Variants in CCDC175 observed in about 807,000 individuals in gnomAD.
CCDC175 encodes coiled-coil domain containing 175, also known as coiled-coil domain-containing protein 175.
Under a neutral mutation model 114.6 loss-of-function variants are expected in CCDC175, and 100 were observed. The ratio of observed to expected loss-of-function variants is 0.87; its 90% confidence interval spans 0.74 to 1.03. The LOEUF is 1.03. Ranked by LOEUF, CCDC175 falls within the 50% of genes least tolerant of loss-of-function variation. CCDC175 has a pLI of 0.00. For missense variants in CCDC175, 880 were observed against 917.8 expected (o/e 0.96, Z 0.53); for synonymous variants, 306 against 308.7 (o/e 0.99, Z 0.09).
rs1980579 is a variant in CCDC175, at chr14:59,565,328, A to C, written c.492-53T>G. ...GAGAAGCACAGCTCCTAAGAAAGGAATAGTCTGTGTGGTGAGAAGAGCCCT... is the reference window on the plus strand; with the variant it reads ...GAGAAGCACAGCTCCTAAGAAAGGACTAGTCTGTGTGGTGAGAAGAGCCCT... On this transcript the variant is annotated intron_variant, in intron 4 of 19. Transcript: ENST00000537690. 5.7e-6 allele frequency: 8 copies of C among 1,400,086 alleles called. No individual in the cohort carries two copies. The South Asian group carries it at 9.1e-5, about 16-fold the overall frequency. 86.7% of individuals were successfully genotyped at this position (1,400,086 alleles called of 1,614,324 possible).
intron 17 of CCDC175, among the ~76,000 whole-genome samples, chr14:59,514,456 C>A (rs7150175): frequency 1.3e-5 from 2 of 151,954 alleles, no homozygotes; most frequent in African/African-American, 2.4e-5. Flanking sequence ...ATAACCAATG[C>A]GGAGAAGTCC....
chr14:59,523,500 A>G (rs1012270338), intron 16 of CCDC175, among the ~76,000 whole-genome samples: 5 of 152,352 alleles, frequency 3.3e-5, no homozygotes, highest in African/African-American at 1.2e-4. Context: ...CATCTATAAA[A>G]GGGACACAAT....
intron 13 of CCDC175, among the ~76,000 whole-genome samples, chr14:59,533,261 T>G (rs1894175083): frequency 6.6e-6 from 1 of 152,196 alleles, no homozygotes; most frequent in Non-Finnish European, 1.5e-5. Flanking sequence ...GGAAGCCCAA[T>G]GCCACAGTTT....
chr14:59,543,439 C>T lies in CCDC175; in HGVS notation c.1188G>A (p.Leu396=). ...AGTATTCTTTCTGAGAAATAAATGT[C>T]AGCTGTTTCTGATTTCTATCATGAA... The part of the protein sequence containing the change: ...QKIHDENQKQ[L]TFISQKEYFL... The change falls in exon 10 of 20, where the codon CTG becomes CTA. Residue 396 remains leucine, a synonymous_variant. Coordinates refer to ENST00000537690, the MANE Select transcript of CCDC175 (RefSeq NM_001164399.2). 7.1e-7 allele frequency: 1 copy of T among 1,400,824 alleles called. No homozygotes were observed. Among genetic ancestry groups the T allele is most frequent in the East Asian group, 2.6e-5 (1 of 38,558 alleles). 86.8% of individuals were successfully genotyped at this position (1,400,824 alleles called of 1,614,324 possible). A position where few individuals can be genotyped will look rare whatever the true frequency, so the allele number is the denominator to read the frequency against.
chr14:59,572,968 G>C (rs576275249), intron 2 of CCDC175, among the ~76,000 whole-genome samples, 155 bp from the exon 3 acceptor site: 1 of 152,250 alleles, frequency 6.6e-6, no homozygotes, highest in South Asian at 2.1e-4. Flanking sequence ...ACTGGGAAAA[G>C]TATCTACAAT....
chr14:59,509,185 T>C (rs967538755), intron 19 of CCDC175, among the ~76,000 whole-genome samples: 1 of 152,188 alleles, frequency 6.6e-6, no homozygotes, highest in Non-Finnish European at 1.5e-5. Flanking sequence ...GAAGATTAAT[T>C]CATGTGAAGA....
intron 14 of CCDC175, among the ~76,000 whole-genome samples, chr14:59,531,190 C>A (rs1274516871): frequency 6.6e-6 from 1 of 151,694 alleles, no homozygotes; most frequent in African/African-American, 2.4e-5. Context: ...TGATTACATC[C>A]AATTTTTTGT....
Position 59,563,934 on chromosome 14 carries a change from A to T in CCDC175, c.721-75T>A, listed in dbSNP as rs943886033. ...AAAGTTTAAAAAATCTTTTAAAAAC[A>T]GTGTCAACCTAATTCATATTTAATC... On this transcript the variant is annotated intron_variant, in intron 5 of 19. Coordinates refer to ENST00000537690, the MANE Select transcript of CCDC175 (RefSeq NM_001164399.2). 16 of 939,984 alleles carry T rather than the reference A, an allele frequency of 1.7e-5. No homozygotes were observed. In the African/African-American group the frequency reaches 2.1e-4, roughly 12 times the overall value. The allele number at this position is 939,984 out of a possible 1,614,324, so 58.2% of individuals were successfully genotyped here.
chr14:59,562,130 G>T (rs539947624), intron 6 of CCDC175, among the ~76,000 whole-genome samples: 13 of 152,320 alleles, frequency 8.5e-5, no homozygotes, highest in African/African-American at 3.1e-4. Context: ...GCTAAATGTT[G>T]AGAGGCCTCT....
intron 3 of CCDC175, among the ~76,000 whole-genome samples, chr14:59,571,957 G>A (rs781674128): frequency 6.6e-6 from 1 of 151,868 alleles, no homozygotes; most frequent in Non-Finnish European, 1.5e-5. Context: ...AACCTTTTGA[G>A]CACCTACATT....
chr14:59,548,118 T>TA (rs1785533895), intron 8 of CCDC175, among the ~76,000 whole-genome samples: 1 of 152,084 alleles, frequency 6.6e-6, no homozygotes. Flanking sequence ...TATTCAGCCT[T>TA]AAAAAAGAAG....
In CCDC175 at chr14:59,510,685, G is replaced by T; in HGVS notation, c.2266C>A (p.Arg756Ser). The change falls in exon 19 of 20, where the codon CGT (arginine) becomes AGT (serine). Residue 756 changes from arginine to serine, a missense_variant. Transcript: ENST00000537690. ...GGTGATTCCTGTTCCACAAGCAAAC[G>T]CAGCCCTTCAAGACTCCCTCGTAGC... The part of the protein sequence containing the change: ...TWLRGSLEGL[R>S]LLVEQESPMD... 2.6e-6 allele frequency: 4 copies of T among 1,537,086 alleles called. No individual in the cohort carries two copies. The highest frequency in any genetic ancestry group is 1.7e-4 in the Middle Eastern group (1 of 5,990).
At chr14:59,553,252 T>G (rs1047172998) in intron 7 of CCDC175, among the ~76,000 whole-genome samples, 2 of 152,188 alleles carry the variant, frequency 1.3e-5, no homozygotes, top group East Asian at 3.8e-4. Context: ...CCCAGCAGAT[T>G]AACAGCTGAT....
At chr14:59,537,392 T>A (rs1041873160) in intron 13 of CCDC175, among the ~76,000 whole-genome samples, 1 of 152,128 alleles carries the variant, frequency 6.6e-6, no homozygotes, top group Non-Finnish European at 1.5e-5. Context: ...GTTATTTCCT[T>A]CAAATAAAGC....
rs1363531224 is a variant in CCDC175 at position 59,505,294 on chromosome 14, G to C, written c.2327C>G (p.Thr776Arg). The C allele has an allele frequency of 3.3e-6, 5 of 1,499,726 alleles. No homozygotes were observed. The highest frequency in any genetic ancestry group is 4.5e-6 in the Non-Finnish European group (5 of 1,121,652). 92.9% of individuals were successfully genotyped at this position (1,499,726 alleles called of 1,614,324 possible). A position where few individuals can be genotyped will look rare whatever the true frequency, so the allele number is the denominator to read the frequency against. ...DLLKKKKHIR[T>R]RVHFPVVKCT... ...TTTAACCACTGGGAAATGAACCCTT[G>C]TACGAATGTGTTTCTTCTTCTCTGT... Residue 776 changes from threonine to arginine, a missense_variant, in exon 20 of 20, where the codon ACA becomes AGA. Transcript: ENST00000537690.
At chr14:59,549,565 C>G (rs1448118524) in intron 8 of CCDC175, among the ~76,000 whole-genome samples, 1 of 151,110 alleles carries the variant, frequency 6.6e-6, no homozygotes, top group Non-Finnish European at 1.5e-5. Flanking sequence ...ATTAAAAGTA[C>G]AAAAATTAGC....
At chr14:59,547,904 G>A (rs780211445) in intron 8 of CCDC175, among the ~76,000 whole-genome samples, 9 of 152,122 alleles carry the variant, frequency 5.9e-5, no homozygotes, top group Non-Finnish European at 1.0e-4. Flanking sequence ...TCTGTAATGT[G>A]TAATATTTTA....
At chr14:59,532,156 G>A (rs1220592968) in intron 13 of CCDC175, among the ~76,000 whole-genome samples, 1 of 152,076 alleles carries the variant, frequency 6.6e-6, no homozygotes, top group African/African-American at 2.4e-5. Context: ...GATCCCTTCT[G>A]CTTTAAACCT....
intron 13 of CCDC175, 74 bp downstream of exon 13, chr14:59,537,949 T>C: frequency 3.0e-6 from 3 of 1,001,016 alleles, no homozygotes; most frequent in Non-Finnish European, 4.3e-6. Flanking sequence ...CTGATTAGAA[T>C]AGCATGAAAT....
Sources: gnomAD v4.1 joint callset for allele counts (sites outside exome capture counted in the v4.1 genomes callset) on GRCh38, gnomAD v4.1.1 for gene constraint, MANE v1.5 for transcripts, NCBI Gene and HGNC (gene_info 2026-07-23, HGNC 2026-07-21) for gene names.